Variants in SREBF2 observed in about 807,000 individuals in gnomAD.
The protein encoded by SREBF2 is sterol regulatory element-binding protein 2.
A neutral mutation model predicts 113.1 loss-of-function variants in SREBF2; 55 were observed. The observed-to-expected ratio is 0.49, with a 90% CI of 0.39 to 0.61. The LOEUF is 0.61. SREBF2 is among the 20% of genes least tolerant of loss of function. The pLI is 0.00. For missense variants in SREBF2, 1,349 were observed against 1,487.4 expected, an observed-to-expected ratio of 0.91 and a Z score of 1.53; for synonymous variants, 593 against 605.7, an observed-to-expected ratio of 0.98 and a Z score of 0.31.
rs765367968 is a variant in SREBF2 at position 41,905,622 on chromosome 22, G to A, written c.3388G>A (p.Val1130Ile). ...CTGCAACGACTGCCAGCAGATGATT[G>A]TTAAGCTGGGTGGTGGCACTGCCAT... ...RSCNDCQQMI[V>I]KLGGGTAIAA... is the part of the protein sequence containing the mutation. The change falls in exon 19 of 19, where the codon GTT (valine) becomes ATT (isoleucine). Residue 1130 changes from valine (V) to isoleucine (I), a missense_variant. Coordinates refer to ENST00000361204, the MANE Select transcript of SREBF2 (RefSeq NM_004599.4). 9.4e-6 allele frequency: 15 copies of A among 1,596,860 alleles called. No individual in the cohort carries two copies. Among genetic ancestry groups the A allele is most frequent in the Middle Eastern group, 1.6e-4 (1 of 6,074 alleles).
At position 41,863,895 on chromosome 22, in the gene SREBF2, T is replaced by G. The variant is rs998451564; in HGVS notation, c.89-2936T>G. Among the ~76,000 whole-genome samples, 11 of 152,020 alleles carry G rather than the reference T, an allele frequency of 7.2e-5. No homozygotes were observed. In the South Asian group the frequency reaches 2.3e-3, roughly 32 times the overall value. ...TTTATCTATCTATTTATTTATTTAT[T>G]TTTTGGGACGGAGTCTTGCTCTGTT... is the stretch of plus-strand genomic sequence containing the variant. On this transcript the variant is annotated intron_variant, in intron 1 of 18. Coordinates refer to ENST00000361204, the MANE Select transcript of SREBF2 (RefSeq NM_004599.4).
intron 18 of SREBF2, 48 bp downstream of exon 18, chr22:41,905,022 C>A: frequency 6.6e-7 from 1 of 1,508,010 alleles, no homozygotes; most frequent in Non-Finnish European, 8.9e-7. Context: ...GCCCTGCGCC[C>A]TAGGAAGAGA....
At chr22:41,855,340 T>A (rs1479670548) in intron 1 of SREBF2, among the ~76,000 whole-genome samples, 1 of 152,076 alleles carries the variant, frequency 6.6e-6, no homozygotes, top group Non-Finnish European at 1.5e-5. Context: ...CTAGCCAACA[T>A]GGTTAAATTA....
At chr22:41,845,768 A>G (rs1284675086) in intron 1 of SREBF2, among the ~76,000 whole-genome samples, 1 of 152,222 alleles carries the variant, frequency 6.6e-6, no homozygotes, top group African/African-American at 2.4e-5. Context: ...AGATTTAGAC[A>G]AAGTTGGGAA....
intron 1 of SREBF2, among the ~76,000 whole-genome samples, chr22:41,866,303 C>A (rs549148953): frequency 3.7e-4 from 56 of 151,916 alleles, no homozygotes; most frequent in African/African-American, 1.3e-3. Context: ...GTAATCCCAG[C>A]ACTTTGGGAG....
rs1018819294 is a variant in SREBF2, at chr22:41,906,187, G to C, written c.*527G>C. On this transcript the variant is annotated 3_prime_UTR_variant, in exon 19 of 19. Transcript: ENST00000361204. ...GTCTTGATTCTCTCCCTGGGTCTGCGTTCCCTCCCCTGGGCCTGACTGAGC... is the reference window on the plus strand; with the variant it reads ...GTCTTGATTCTCTCCCTGGGTCTGCCTTCCCTCCCCTGGGCCTGACTGAGC... 2.8e-6 allele frequency: 1 copy of C among 358,850 alleles called. No homozygotes were observed. Among genetic ancestry groups the C allele is most frequent in the African/African-American group, 2.1e-5 (1 of 46,760 alleles). The allele number at this position is 358,850 out of a possible 1,614,324, so 22.2% of individuals were successfully genotyped here.
intron 1 of SREBF2, among the ~76,000 whole-genome samples, chr22:41,854,436 G>A (rs371612322): frequency 2.2e-4 from 33 of 151,732 alleles, no homozygotes; most frequent in African/African-American, 7.5e-4. Flanking sequence ...TGCTGAGATT[G>A]CAGGGGTGAA....
intron 3 of SREBF2, among the ~76,000 whole-genome samples, chr22:41,869,862 CTTTT>C (rs139907976): frequency 7.2e-6 from 1 of 138,330 alleles, no homozygotes; most frequent in African/African-American, 2.6e-5. Flanking sequence ...CCTCTTTTTT[CTTTT>C]TTTTTTTTTG....
At chr22:41,896,818 AG>A (rs1356579815) in intron 13 of SREBF2, among the ~76,000 whole-genome samples, 1 of 152,156 alleles carries the variant, frequency 6.6e-6, no homozygotes, top group East Asian at 1.9e-4. Context: ...GGGGGATGCT[AG>A]GGAAAGGCCC....
intron 1 of SREBF2, among the ~76,000 whole-genome samples, chr22:41,848,055 A>G (rs1415224609): frequency 3.3e-5 from 5 of 151,854 alleles, no homozygotes; most frequent in Non-Finnish European, 7.4e-5. Context: ...AGCTGGGACT[A>G]CAGGCGCCCG....
At chr22:41,876,822 T>C (rs1268736109) in intron 7 of SREBF2, among the ~76,000 whole-genome samples, 2 of 152,222 alleles carry the variant, frequency 1.3e-5, no homozygotes, top group African/African-American at 2.4e-5. Context: ...AAAGCTCTTT[T>C]GTACACCTTT....
At chr22:41,851,210 T>G (rs2076927078) in intron 1 of SREBF2, among the ~76,000 whole-genome samples, 1 of 152,208 alleles carries the variant, frequency 6.6e-6, no homozygotes, top group African/African-American at 2.4e-5. Flanking sequence ...AAATAAAATA[T>G]AAATATGCTT....
At position 41,906,079 on chromosome 22, in the gene SREBF2, C is replaced by CAG; in HGVS notation, c.*419_*420insAG. On this transcript the variant is annotated 3_prime_UTR_variant, in exon 19 of 19. Coordinates refer to ENST00000361204, the MANE Select transcript of SREBF2 (RefSeq NM_004599.4). The stretch of plus-strand genomic sequence containing the variant: ...GGAGCAGTTGCCCTCAGGCCTGTGC[C>CAG]CAGCATGCCCTCCCCTTTTTATACG... The CAG allele has an allele frequency of 2.2e-6, 1 of 451,232 alleles. No individual in the cohort carries two copies. The highest frequency in any genetic ancestry group is 4.4e-6 in the Non-Finnish European group (1 of 226,012). The allele number at this position is 451,232 out of a possible 1,614,324, so 28.0% of individuals were successfully genotyped here. A position where few individuals can be genotyped will look rare whatever the true frequency, so the allele number is the denominator to read the frequency against.
intron 1 of SREBF2, among the ~76,000 whole-genome samples, chr22:41,836,352 G>A (rs1013389391): frequency 6.6e-6 from 1 of 152,208 alleles, no homozygotes; most frequent in Non-Finnish European, 1.5e-5. Context: ...GTGCCAGTAT[G>A]GAACAGCTTA....
At chr22:41,863,546 G>A (rs539523212) in intron 1 of SREBF2, among the ~76,000 whole-genome samples, 1 of 152,222 alleles carries the variant, frequency 6.6e-6, no homozygotes, top group South Asian at 2.1e-4. Context: ...ACTAAATTAT[G>A]TTTTGTTTAA....
chr22:41,843,571 A>G (rs779481616), intron 1 of SREBF2, among the ~76,000 whole-genome samples: 2 of 152,226 alleles, frequency 1.3e-5, no homozygotes, highest in Non-Finnish European at 2.9e-5. Flanking sequence ...GCCTAAATCC[A>G]ACATGTGCAA....
At chr22:41,882,927 G>A (rs1195909539) in intron 10 of SREBF2, among the ~76,000 whole-genome samples, 2 of 152,180 alleles carry the variant, frequency 1.3e-5, no homozygotes, top group South Asian at 4.1e-4. Context: ...AACACGGGGA[G>A]ACTCCATCTC....
At chr22:41,892,750 G>T (rs1423992726) in intron 11 of SREBF2, among the ~76,000 whole-genome samples, 1 of 152,190 alleles carries the variant, frequency 6.6e-6, no homozygotes, top group East Asian at 1.9e-4. Flanking sequence ...AGCAGCCAGG[G>T]GGCCCCTGAG....
rs776910418 is a variant in SREBF2 at position 41,898,791 on chromosome 22, C to A, written c.2738+10C>A. The stretch of plus-strand genomic sequence containing the variant: ...CCCTGGAAGTGACAGAGTGCGTAAC[C>A]CTCCTTGGCCACTCACTTGCTTCTC... On this transcript the variant is annotated intron_variant, in intron 15 of 18. Transcript: ENST00000361204. 16 of 1,613,768 alleles carry A rather than the reference C, an allele frequency of 9.9e-6. No homozygotes were observed. The highest frequency in any genetic ancestry group is 1.4e-5 in the Non-Finnish European group (16 of 1,179,896).
Sources: gnomAD v4.1 joint callset for allele counts (sites outside exome capture counted in the v4.1 genomes callset) on GRCh38, gnomAD v4.1.1 for gene constraint, MANE v1.5 for transcripts, NCBI Gene and HGNC (gene_info 2026-07-23, HGNC 2026-07-21) for gene names.